The following MARCHF5 variants were observed in gnomAD, a reference collection of about 807,000 sequenced individuals.
The protein encoded by MARCHF5 is membrane associated ring-CH-type finger 5.
A neutral mutation model predicts 36.5 loss-of-function variants in MARCHF5; 5 were observed. The observed-to-expected ratio is 0.14, with a 90% CI of 0.07 to 0.29. The LOEUF is 0.29. MARCHF5 is among the 10% of genes least tolerant of loss of function. The pLI is 1.00. For missense variants in MARCHF5, 179 were observed against 336.3 expected (o/e 0.53, Z 3.66); for synonymous variants, 103 against 109.9 (o/e 0.94, Z 0.39).
intron 2 of MARCHF5, among the ~76,000 whole-genome samples, chr10:92,332,127 C>A (rs2135206366): frequency 6.6e-6 from 1 of 150,684 alleles, no homozygotes; most frequent in African/African-American, 2.4e-5. Flanking sequence ...GTCTATAATC[C>A]CAGCACTTTG....
chr10:92,315,042 G>C (rs1437270862), intron 2 of MARCHF5, among the ~76,000 whole-genome samples: 1 of 152,196 alleles, frequency 6.6e-6, no homozygotes, highest in Non-Finnish European at 1.5e-5. Context: ...GCTCTTCATT[G>C]CTGCACACAA....
At chr10:92,322,646 G>T (rs2135197295) in intron 2 of MARCHF5, among the ~76,000 whole-genome samples, 1 of 148,038 alleles carries the variant, frequency 6.8e-6, no homozygotes, top group African/African-American at 2.5e-5. Flanking sequence ...ACAGGGTTTT[G>T]CCATGTTGTC....
intron 2 of MARCHF5, among the ~76,000 whole-genome samples, chr10:92,316,044 G>C (rs1843205158): frequency 6.6e-6 from 1 of 152,152 alleles, no homozygotes; most frequent in Non-Finnish European, 1.5e-5. Flanking sequence ...ACTGCCATTG[G>C]TCCCCAAAGA....
intron 1 of MARCHF5, among the ~76,000 whole-genome samples, chr10:92,307,066 G>A (rs1226426403): frequency 2.6e-5 from 4 of 152,074 alleles, no homozygotes; most frequent in Non-Finnish European, 5.9e-5. Flanking sequence ...TGCAGTCCTA[G>A]GTAATCAGGA....
intron 3 of MARCHF5, among the ~76,000 whole-genome samples, chr10:92,347,370 A>G (rs187080955): frequency 5.5e-4 from 83 of 152,216 alleles, no homozygotes; most frequent in Non-Finnish European, 1.2e-4. Context: ...CTGTAATCCC[A>G]TCTACTCAGG....
At chr10:92,301,944 C>T (rs1297254351) in intron 1 of MARCHF5, among the ~76,000 whole-genome samples, 1 of 152,054 alleles carries the variant, frequency 6.6e-6, no homozygotes, top group Admixed American at 6.6e-5. Context: ...ACCTGCAATC[C>T]CAGCTACTTG....
At chr10:92,296,211 T>A (rs1186627855) in intron 1 of MARCHF5, among the ~76,000 whole-genome samples, 1 of 152,202 alleles carries the variant, frequency 6.6e-6, no homozygotes, top group Non-Finnish European at 1.5e-5. Context: ...CTTTCGTTTT[T>A]ATAAACTATA....
At position 92,328,824 on chromosome 10, in the gene MARCHF5, T is replaced by A. The variant is rs867029557; in HGVS notation, c.239-11849T>A. Among the ~76,000 whole-genome samples the A allele has an allele frequency of 8.1e-3, 1,188 of 146,516 alleles. 19 individuals carry two copies. Among genetic ancestry groups the A allele is most frequent in the African/African-American group, 0.028 (1,122 of 40,368 alleles). On this transcript the variant is annotated intron_variant, in intron 2 of 5. Transcript: ENST00000358935. ...TATTATATATATATATATATATATT[T>A]TTTTTTTTTTTACAGGAATATCTGA...
chr10:92,335,987 A>G lies in MARCHF5; in HGVS notation c.239-4686A>G, dbSNP rs747474985. On this transcript the variant is annotated intron_variant, in intron 2 of 5. Transcript: ENST00000358935. ...TTGAGAGTAGTAGGAACTTGGGGTA[A>G]ATCAATGATGAAAACAAAGATCATT... Among the ~76,000 whole-genome samples, 34 of 152,226 alleles carry G rather than the reference A, an allele frequency of 2.2e-4. 1 individual carries two copies. The highest frequency in any genetic ancestry group is 2.9e-4 in the Non-Finnish European group (20 of 68,042).
intron 2 of MARCHF5, chr10:92,333,514 G>A (rs1388685746): frequency 3.3e-6 from 1 of 301,940 alleles, no homozygotes; most frequent in Admixed American, 6.5e-5. Flanking sequence ...TTGCCCCCTG[G>A]GAGTTTTCAG....
In MARCHF5 at chr10:92,349,448, A is replaced by G; in HGVS notation, c.469A>G (p.Lys157Glu). ...PTIPVMLILG[K>E]MIRWEDYVLR... is the part of the protein sequence containing the mutation. The stretch of plus-strand genomic sequence containing the variant: ...TATTCCTGTCATGCTGATATTAGGC[A>G]AGATGATTCGCTGGGAGGACTATGT... The change falls in exon 4 of 6, where the codon AAG becomes GAG. Residue 157 changes from lysine (K) to glutamate (E), a missense_variant. Coordinates refer to ENST00000358935, the MANE Select transcript of MARCHF5 (RefSeq NM_017824.5). 1 of 1,614,188 alleles carries G rather than the reference A, an allele frequency of 6.2e-7. No homozygotes were observed. The highest frequency in any genetic ancestry group is 8.5e-7 in the Non-Finnish European group (1 of 1,180,038).
intron 2 of MARCHF5, among the ~76,000 whole-genome samples, chr10:92,330,054 G>C (rs1047346093): frequency 5.3e-5 from 8 of 152,112 alleles, no homozygotes; most frequent in Non-Finnish European, 8.8e-5. Context: ...GGTTGGCCAG[G>C]CTGGTCTTAA....
chr10:92,336,864 T>A (rs1843508587), intron 2 of MARCHF5, among the ~76,000 whole-genome samples: 1 of 152,216 alleles, frequency 6.6e-6, no homozygotes, highest in Non-Finnish European at 1.5e-5. Context: ...GGCTCACTGC[T>A]GTAATCCCAG....
rs550538182 is a variant in MARCHF5 at position 92,353,625 on chromosome 10, G to A, written c.*2418G>A. 1 of 152,604 alleles carries A rather than the reference G, an allele frequency of 6.6e-6. No individual in the cohort carries two copies. The highest frequency in any genetic ancestry group is 2.4e-5 in the African/African-American group (1 of 41,544). The allele number at this position is 152,604 out of a possible 1,614,324, so 9.5% of individuals were successfully genotyped here. A position where few individuals can be genotyped will look rare whatever the true frequency, so the allele number is the denominator to read the frequency against. On this transcript the variant is annotated 3_prime_UTR_variant, in exon 6 of 6. Coordinates refer to ENST00000358935, the MANE Select transcript of MARCHF5 (RefSeq NM_017824.5). ...GGGGACAAATGAAAGAGATGATGTA[G>A]ATTTTTCGGATGGGTGGGTATATTT...
In MARCHF5 at chr10:92,349,483, G is replaced by C. The variant is rs1174277516; in HGVS notation, c.504G>C (p.Leu168=). Residue 168 remains leucine, a synonymous_variant, in exon 4 of 6, where the codon CTG becomes CTC. Transcript: ENST00000358935. ...GCTGGGAGGACTATGTGCTTAGACT[G>C]TGGCGCAAATACTCGAATAAACTAC... ...MIRWEDYVLR[L]WRKYSNKLQI... is the part of the protein sequence containing the mutation. 6.2e-7 allele frequency: 1 copy of C among 1,613,858 alleles called. No individual in the cohort carries two copies. Among genetic ancestry groups the C allele is most frequent in the Non-Finnish European group, 8.5e-7 (1 of 1,179,980 alleles).
intron 1 of MARCHF5, among the ~76,000 whole-genome samples, chr10:92,310,426 G>A (rs1044414906): frequency 2.0e-5 from 3 of 151,946 alleles, no homozygotes; most frequent in African/African-American, 7.3e-5. Context: ...AAAGCAAAGT[G>A]GGAAAATGTT....
In MARCHF5 at chr10:92,352,372, A is replaced by T. The variant is rs2135225405; in HGVS notation, c.*1165A>T. ...AGTTTATTATAGAAAATCAACACTA[A>T]TGTTTTTAGATTTTAATTGTCCTAT... On this transcript the variant is annotated 3_prime_UTR_variant, in exon 6 of 6. Transcript: ENST00000358935. The T allele has an allele frequency of 6.6e-6, 1 of 152,326 alleles. No homozygotes were observed. Among genetic ancestry groups the T allele is most frequent in the East Asian group, 1.9e-4 (1 of 5,190 alleles). The allele number at this position is 152,326 out of a possible 1,614,324, so 9.4% of individuals were successfully genotyped here.
intron 2 of MARCHF5, among the ~76,000 whole-genome samples, chr10:92,321,599 C>T (rs1843289143): frequency 6.6e-6 from 1 of 151,954 alleles, no homozygotes; most frequent in East Asian, 1.9e-4. Flanking sequence ...GTGATCCCTC[C>T]TTTATGTTTT....
At chr10:92,332,367 C>A (rs986542890) in intron 2 of MARCHF5, among the ~76,000 whole-genome samples, 2 of 152,050 alleles carry the variant, frequency 1.3e-5, no homozygotes, top group Non-Finnish European at 2.9e-5. Context: ...TCTCAAACTA[C>A]CAGCAGAGCA....
Sources: allele counts gnomAD v4.1 joint callset (sites outside exome capture counted in the v4.1 genomes callset), GRCh38; gene constraint gnomAD v4.1.1; transcripts MANE v1.5; gene names NCBI Gene and HGNC (gene_info 2026-07-23, HGNC 2026-07-21).